The following CDH12 variants were observed in gnomAD, a reference collection of about 807,000 sequenced individuals.
CDH12 encodes the protein cadherin-12.
A neutral mutation model predicts 74.1 loss-of-function variants in CDH12; 41 were observed. The ratio of observed to expected loss-of-function variants is 0.55; its 90% CI spans 0.43 to 0.72. CDH12 has a LOEUF of 0.72. CDH12 is among the 30% of genes least tolerant of loss of function. The probability of loss-of-function intolerance (pLI) is 0.00; values close to 1 mark genes in which losing one functional copy is unlikely to be tolerated. For synonymous variants in CDH12, 399 were observed against 355.0 expected (o/e 1.12, Z -1.39); for missense variants, 945 against 977.2 (o/e 0.97, Z 0.44).
At chr5:22,625,668 G>A (rs1231594207) in intron 1 of CDH12, among the ~76,000 whole-genome samples, 1 of 152,160 alleles carries the variant, frequency 6.6e-6, no homozygotes, top group East Asian at 1.9e-4. Flanking sequence ...TATCTGAGTG[G>A]CCCCCTGTCT....
At chr5:22,696,940 G>T (rs1719887130) in intron 1 of CDH12, among the ~76,000 whole-genome samples, 1 of 151,652 alleles carries the variant, frequency 6.6e-6, no homozygotes, top group Non-Finnish European at 1.5e-5. Context: ...AACCAAGTAT[G>T]TAATGTTCAA....
At chr5:22,181,265 CT>C (rs997340819) in intron 4 of CDH12, among the ~76,000 whole-genome samples, 20 of 151,092 alleles carry the variant, frequency 1.3e-4, no homozygotes, top group Admixed American at 4.0e-4. Flanking sequence ...CATTAGTAAG[CT>C]TTTTTTTTGC....
intron 8 of CDH12, among the ~76,000 whole-genome samples, chr5:21,818,206 G>A (rs1317388105): frequency 6.6e-6 from 1 of 151,918 alleles, no homozygotes; most frequent in African/African-American, 2.4e-5. Flanking sequence ...ACCGGATTTA[G>A]AATGGCTCTT....
chr5:22,443,740 T>C (rs1188808974), intron 2 of CDH12, among the ~76,000 whole-genome samples: 4 of 152,154 alleles, frequency 2.6e-5, no homozygotes, highest in Non-Finnish European at 5.9e-5. Flanking sequence ...TAGACATTAA[T>C]TACAAAGTAA....
intron 5 of CDH12, among the ~76,000 whole-genome samples, chr5:21,983,496 T>C (rs1029874251): frequency 6.6e-6 from 1 of 152,108 alleles, no homozygotes; most frequent in Admixed American, 6.6e-5. Context: ...ATGTGTTTAT[T>C]TGGGTTTGTG....
At chr5:22,020,791 C>T (rs1334013786) in intron 5 of CDH12, among the ~76,000 whole-genome samples, 1 of 152,104 alleles carries the variant, frequency 6.6e-6, no homozygotes, top group Non-Finnish European at 1.5e-5. Context: ...CACCTAAAGA[C>T]CTTATCTCCA....
intron 1 of CDH12, among the ~76,000 whole-genome samples, chr5:22,820,382 C>A (rs1273406097): frequency 1.3e-5 from 2 of 151,928 alleles, no homozygotes; most frequent in East Asian, 3.9e-4. Flanking sequence ...GGGGTCTGGT[C>A]TTTCCTGTAC....
At chr5:22,473,784 T>C (rs1580686069) in intron 2 of CDH12, among the ~76,000 whole-genome samples, 2 of 152,148 alleles carry the variant, frequency 1.3e-5, no homozygotes, top group African/African-American at 4.8e-5. Flanking sequence ...GTAAGGCTGA[T>C]ATAGTGTAAA....
At chr5:22,445,348 T>C (rs139228977) in intron 2 of CDH12, among the ~76,000 whole-genome samples, 4 of 152,058 alleles carry the variant, frequency 2.6e-5, no homozygotes, top group African/African-American at 7.2e-5. Flanking sequence ...AAGCAGGACA[T>C]GAAGAGCACA....
chr5:21,895,636 G>A (rs1753088291), intron 6 of CDH12, among the ~76,000 whole-genome samples: 1 of 152,200 alleles, frequency 6.6e-6, no homozygotes, highest in South Asian at 2.1e-4. Flanking sequence ...GCTGATGTTA[G>A]ACAGCCTTGT....
intron 1 of CDH12, among the ~76,000 whole-genome samples, chr5:22,730,999 C>T (rs1034270144): frequency 1.3e-5 from 2 of 151,710 alleles, no homozygotes; most frequent in South Asian, 2.1e-4. Context: ...AGAATAAGGA[C>T]GTGCTGTCTC....
At chr5:22,740,342 T>C (rs911050369) in intron 1 of CDH12, among the ~76,000 whole-genome samples, 1 of 152,000 alleles carries the variant, frequency 6.6e-6, no homozygotes, top group African/African-American at 2.4e-5. Flanking sequence ...TTTTCCTACA[T>C]GATCGAGAAA....
chr5:22,039,644 A>G (rs1739431481), intron 5 of CDH12, among the ~76,000 whole-genome samples: 1 of 152,102 alleles, frequency 6.6e-6, no homozygotes, highest in Non-Finnish European at 1.5e-5. Flanking sequence ...AGGACCCTAA[A>G]AACCTTACTA....
At chr5:22,056,323 T>G (rs1444863216) in intron 5 of CDH12, among the ~76,000 whole-genome samples, 2 of 152,216 alleles carry the variant, frequency 1.3e-5, no homozygotes, top group African/African-American at 4.8e-5. Context: ...GTTTTCCATC[T>G]GTGCTTTCTA....
chr5:22,420,206 T>C (rs1408609785), intron 2 of CDH12, among the ~76,000 whole-genome samples: 1 of 152,178 alleles, frequency 6.6e-6, no homozygotes, highest in African/African-American at 2.4e-5. Context: ...TTTTTGCTTT[T>C]GTTGCAATTG....
chr5:21,831,426 T>G (rs1295740431), intron 8 of CDH12, among the ~76,000 whole-genome samples: 1 of 152,174 alleles, frequency 6.6e-6, no homozygotes, highest in Admixed American at 6.5e-5. Context: ...ATTTTAATGG[T>G]GTCTTTACAT....
Position 21,808,488 on chromosome 5 carries a change from C to T in CDH12, c.1003-6068G>A, listed in dbSNP as rs188078731. Among the ~76,000 whole-genome samples, 19 of 151,812 alleles carry T rather than the reference C, an allele frequency of 1.3e-4. No individual in the cohort carries two copies. In the East Asian group the frequency reaches 3.7e-3, roughly 29 times the overall value. The stretch of plus-strand genomic sequence containing the variant: ...TCTTAATAGGCAATGGGAAGGAATA[C>T]CGTCAATGAACGCAAATGATCCGAG... On this transcript the variant is annotated intron_variant, in intron 9 of 14. Coordinates refer to ENST00000382254, the MANE Select transcript of CDH12 (RefSeq NM_004061.5).
intron 2 of CDH12, among the ~76,000 whole-genome samples, chr5:22,439,482 T>A (rs987928578): frequency 2.0e-5 from 3 of 152,108 alleles, no homozygotes; most frequent in African/African-American, 4.8e-5. Flanking sequence ...ATGTTTGATA[T>A]TTCAAGACTG....
At chr5:22,404,055 T>A (rs975087128) in intron 3 of CDH12, among the ~76,000 whole-genome samples, 6 of 152,262 alleles carry the variant, frequency 3.9e-5, no homozygotes, top group African/African-American at 1.4e-4. Context: ...GAAGGAGCAA[T>A]TGTAGTATTC....
Sources: gnomAD v4.1 joint callset for allele counts (sites outside exome capture counted in the v4.1 genomes callset) on GRCh38, gnomAD v4.1.1 for gene constraint, MANE v1.5 for transcripts, NCBI Gene and HGNC (gene_info 2026-07-23, HGNC 2026-07-21) for gene names.